RECK: variants seen among roughly 807,000 people sequenced by gnomAD.
RECK encodes reversion inducing cysteine rich protein with kazal motifs.
In RECK, 69 loss-of-function variants were observed where a neutral mutation model predicts 115.1. The ratio of observed to expected loss-of-function variants is 0.60; its 90% CI spans 0.49 to 0.73. The LOEUF is 0.73. RECK is among the 30% of genes least tolerant of loss of function. RECK has a pLI of 0.00. For synonymous variants in RECK, 414 were observed against 419.7 expected, an observed-to-expected ratio of 0.99 and a Z score of 0.17; for missense variants, 1,047 against 1,203.7, an observed-to-expected ratio of 0.87 and a Z score of 1.93.
At chr9:36,097,129 G>C (rs1286435196) in intron 10 of RECK, among the ~76,000 whole-genome samples, 1 of 152,108 alleles carries the variant, frequency 6.6e-6, no homozygotes, top group Non-Finnish European at 1.5e-5. Flanking sequence ...TTCAAGGCCA[G>C]CCTGGCCAAC....
chr9:36,062,088 TAAG>T (rs1821794768), intron 4 of RECK, among the ~76,000 whole-genome samples: 1 of 152,056 alleles, frequency 6.6e-6, no homozygotes, highest in Non-Finnish European at 1.5e-5. Context: ...TTAAAGGAGA[TAAG>T]GAGGAATTTG....
intron 1 of RECK, among the ~76,000 whole-genome samples, chr9:36,039,912 A>G (rs1334922216): frequency 1.3e-5 from 2 of 152,356 alleles, no homozygotes; most frequent in East Asian, 3.9e-4. Flanking sequence ...TTATTCTGGT[A>G]TGCAGCTGAA....
Position 36,073,796 on chromosome 9 carries a change from T to C in RECK, c.406-6809T>C, listed in dbSNP as rs534102251. Among the ~76,000 whole-genome samples the C allele has an allele frequency of 1.1e-4, 17 of 152,284 alleles. No individual in the cohort carries two copies. In the East Asian group the frequency reaches 3.3e-3, roughly 29 times the overall value. ...AGATTGACCCTGTTGTTTTATTTGTTAGTTGTAGTTGTACAAATTGTTTGT... is the reference window on the plus strand; with the variant it reads ...AGATTGACCCTGTTGTTTTATTTGTCAGTTGTAGTTGTACAAATTGTTTGT... On this transcript the variant is annotated intron_variant, in intron 6 of 20. Coordinates refer to ENST00000377966, the MANE Select transcript of RECK (RefSeq NM_021111.3).
chr9:36,086,645 C>T (rs752704601), intron 8 of RECK, among the ~76,000 whole-genome samples: 1 of 152,102 alleles, frequency 6.6e-6, no homozygotes, highest in Non-Finnish European at 1.5e-5. Context: ...GCTGATTGGT[C>T]CGTTTTACAG....
rs766020320 is a variant in RECK at position 36,087,678 on chromosome 9, T to C, written c.638-16T>C. ...AAAAAACAGCTAATTAAGCCACTTATATTCTGAAAATGTAGGTTTATATTG... is the reference window on the plus strand; with the variant it reads ...AAAAAACAGCTAATTAAGCCACTTACATTCTGAAAATGTAGGTTTATATTG... On this transcript the variant is annotated splice_polypyrimidine_tract_variant and intron_variant, in intron 8 of 20. Transcript: ENST00000377966. 5.0e-6 allele frequency: 8 copies of C among 1,608,528 alleles called. No individual in the cohort carries two copies. Among genetic ancestry groups the C allele is most frequent in the Non-Finnish European group, 2.5e-6 (3 of 1,176,732 alleles).
At chr9:36,102,042 C>T in intron 11 of RECK, 52 bp from the exon 12 acceptor site, 2 of 1,559,258 alleles carry the variant, frequency 1.3e-6, no homozygotes, top group Non-Finnish European at 1.7e-6. Flanking sequence ...GTTGACTGGA[C>T]AACATGAGGA....
At chr9:36,075,152 A>G (rs1397143180) in intron 6 of RECK, among the ~76,000 whole-genome samples, 1 of 152,272 alleles carries the variant, frequency 6.6e-6, no homozygotes, top group Non-Finnish European at 1.5e-5. Flanking sequence ...GCTAGTGTCC[A>G]CTAGGCCAAA....
intron 16 of RECK, among the ~76,000 whole-genome samples, chr9:36,112,686 G>A (rs1824105746): frequency 6.6e-6 from 1 of 152,220 alleles, no homozygotes; most frequent in Admixed American, 6.5e-5. Flanking sequence ...ATGCAGCCTG[G>A]GGAAGGCCCT....
chr9:36,074,852 CAG>C (rs1186102501), intron 6 of RECK, among the ~76,000 whole-genome samples: 7 of 152,188 alleles, frequency 4.6e-5, no homozygotes, highest in Admixed American at 2.0e-4. Context: ...TAGCTTAAAA[CAG>C]TAACAATTTA....
In RECK at chr9:36,037,096, C is replaced by T; in HGVS notation, c.98C>T (p.Ala33Val). The stretch of plus-strand genomic sequence containing the variant: ...GCAGGGGGCCTGGCTCCGGGCAGTG[C>T]GGGTGAGTAACCTCCAGAGCAACGG... ...EVAGGLAPGS[A>V]GALCCNHSKD... Residue 33 changes from alanine (A) to valine (V), a missense_variant and splice_region_variant, in exon 1 of 21, where the codon GCG becomes GTG. Transcript: ENST00000377966. 3 of 1,322,382 alleles carry T rather than the reference C, an allele frequency of 2.3e-6. No individual in the cohort carries two copies. The highest frequency in any genetic ancestry group is 1.9e-6 in the Non-Finnish European group (2 of 1,030,678). 81.9% of individuals were successfully genotyped at this position (1,322,382 alleles called of 1,614,324 possible).
intron 1 of RECK, among the ~76,000 whole-genome samples, chr9:36,038,178 T>G (rs1006121947): frequency 6.6e-6 from 1 of 151,798 alleles, no homozygotes. Flanking sequence ...CCGGGCATGG[T>G]GGTGTATGCC....
chr9:36,116,686 T>G (rs1256047731), intron 16 of RECK, among the ~76,000 whole-genome samples: 1 of 152,222 alleles, frequency 6.6e-6, no homozygotes, highest in East Asian at 1.9e-4. Context: ...GGCAAGCCCA[T>G]GCTGCCCCCT....
chr9:36,107,961 T>G lies in RECK; in HGVS notation c.1577-15T>G. On this transcript the variant is annotated splice_polypyrimidine_tract_variant and intron_variant, in intron 13 of 20. Coordinates refer to ENST00000377966, the MANE Select transcript of RECK (RefSeq NM_021111.3). ...GAACAGTACCATCTCTCTCAGCTAA[T>G]TTTTGCTTGTACAGGTTGCAAACTG... 6.3e-7 allele frequency: 1 copy of G among 1,599,414 alleles called. No homozygotes were observed. Among genetic ancestry groups the G allele is most frequent in the Middle Eastern group, 1.7e-4 (1 of 5,988 alleles).
chr9:36,100,903 A>G (rs754309731), intron 11 of RECK, among the ~76,000 whole-genome samples: 2 of 151,998 alleles, frequency 1.3e-5, no homozygotes, highest in Admixed American at 1.3e-4. Context: ...CTATTTTTAT[A>G]TGTTAATTTA....
At chr9:36,070,751 A>G (rs1394735602) in intron 6 of RECK, among the ~76,000 whole-genome samples, 1 of 152,152 alleles carries the variant, frequency 6.6e-6, no homozygotes, top group Non-Finnish European at 1.5e-5. Context: ...ATTCTGATGA[A>G]TACCTAAGAA....
intron 1 of RECK, among the ~76,000 whole-genome samples, 159 bp downstream of exon 1, chr9:36,037,257 G>T (rs147433010): frequency 0.015 from 2,264 of 151,758 alleles, 33 homozygotes; most frequent in Non-Finnish European, 0.02. Flanking sequence ...AGAGGCTGGT[G>T]CCGAGGCGGG....
At chr9:36,106,760 T>C (rs1202425850) in intron 13 of RECK, among the ~76,000 whole-genome samples, 1 of 152,034 alleles carries the variant, frequency 6.6e-6, no homozygotes, top group Non-Finnish European at 1.5e-5. Context: ...GAAAATAAGA[T>C]ATAGTTACTT....
Position 36,058,807 on chromosome 9 carries a change from T to A in RECK, c.160-20T>A. The A allele has an allele frequency of 2.0e-6, 3 of 1,468,276 alleles. No homozygotes were observed. Among genetic ancestry groups the A allele is most frequent in the Non-Finnish European group, 2.8e-6 (3 of 1,083,674 alleles). 91.0% of individuals were successfully genotyped at this position (1,468,276 alleles called of 1,614,324 possible). A position where few individuals can be genotyped will look rare whatever the true frequency, so the allele number is the denominator to read the frequency against. On this transcript the variant is annotated intron_variant, in intron 2 of 20. Coordinates refer to ENST00000377966, the MANE Select transcript of RECK (RefSeq NM_021111.3). ...CTTATAGAAAAATGCCACAAAAACT[T>A]TTTTTTTTTTGTCAAATAGATTTTC... is the stretch of plus-strand genomic sequence containing the variant.
chr9:36,045,234 C>T (rs542404089), intron 1 of RECK, among the ~76,000 whole-genome samples: 43 of 152,060 alleles, frequency 2.8e-4, no homozygotes, highest in Middle Eastern at 3.4e-3. Flanking sequence ...GATATACCCA[C>T]GTGTATATTT....
Sources: allele counts gnomAD v4.1 joint callset (sites outside exome capture counted in the v4.1 genomes callset), GRCh38; gene constraint gnomAD v4.1.1; transcripts MANE v1.5; gene names NCBI Gene and HGNC (gene_info 2026-07-23, HGNC 2026-07-21).